The following FAM186A variants were observed in gnomAD, a reference collection of about 807,000 sequenced individuals.
FAM186A encodes the protein protein FAM186A.
A neutral mutation model predicts 216.8 loss-of-function variants in FAM186A; 163 were observed. The observed-to-expected ratio is 0.75, with a 90% CI of 0.66 to 0.86. The LOEUF (loss-of-function observed/expected upper bound fraction) is 0.86, where lower values mean the gene tolerates loss of function less well. Among genes scored for constraint, FAM186A ranks in the 40% least tolerant of loss-of-function variants. FAM186A has a pLI of 0.00. For synonymous variants in FAM186A, 805 were observed against 1,025.3 expected, an observed-to-expected ratio of 0.79 and a Z score of 4.10; for missense variants, 2,184 against 2,746.2, an observed-to-expected ratio of 0.80 and a Z score of 4.58.
intron 3 of FAM186A, among the ~76,000 whole-genome samples, chr12:50,360,228 T>C (rs1413098307): frequency 8.3e-6 from 1 of 120,080 alleles, no homozygotes; most frequent in African/African-American, 3.3e-5. Flanking sequence ...TGGGTAACAG[T>C]GTGATACCCT....
At chr12:50,337,682 G>A (rs1167292071) in intron 4 of FAM186A, among the ~76,000 whole-genome samples, 1 of 151,744 alleles carries the variant, frequency 6.6e-6, no homozygotes, top group African/African-American at 2.4e-5. Flanking sequence ...CGGATCACAA[G>A]GTCAAGAGAT....
intron 1 of FAM186A, among the ~76,000 whole-genome samples, chr12:50,387,709 T>C (rs1303217157): frequency 6.6e-6 from 1 of 152,150 alleles, no homozygotes; most frequent in East Asian, 1.9e-4. Flanking sequence ...CGTTGTCTCC[T>C]CCTTACTGTA....
At chr12:50,382,976 T>C (rs1943266902) in intron 1 of FAM186A, among the ~76,000 whole-genome samples, 1 of 151,764 alleles carries the variant, frequency 6.6e-6, no homozygotes, top group African/African-American at 2.4e-5. Flanking sequence ...CTCATGCCTA[T>C]AATCCCAGAA....
chr12:50,382,031 T>G (rs73305103), intron 1 of FAM186A, among the ~76,000 whole-genome samples: 19,615 of 151,736 alleles, frequency 0.13, 2,159 homozygotes, highest in African/African-American at 0.29. Context: ...GGGAAGAAGT[T>G]CTTGGAAAGT....
At chr12:50,384,814 G>GT (rs568268912) in intron 1 of FAM186A, among the ~76,000 whole-genome samples, 86 of 150,420 alleles carry the variant, frequency 5.7e-4, no homozygotes, top group African/African-American at 5.8e-4. Context: ...TAGAGTTTTT[G>GT]TTTTTTTTTG....
intron 1 of FAM186A, among the ~76,000 whole-genome samples, chr12:50,383,456 C>T (rs531929048): frequency 9.2e-5 from 14 of 151,690 alleles, no homozygotes; most frequent in Middle Eastern, 3.4e-3. Flanking sequence ...ATTAGCTGGG[C>T]GTGGTGGTGC....
intron 6 of FAM186A, 150 bp from the exon 7 acceptor site, chr12:50,330,908 A>G: frequency 1.6e-6 from 1 of 619,638 alleles, no homozygotes. Flanking sequence ...ACTTTGACAG[A>G]GAGATGGATG....
chr12:50,377,098 GA>G (rs1263624011), intron 1 of FAM186A, among the ~76,000 whole-genome samples: 1 of 151,870 alleles, frequency 6.6e-6, no homozygotes, highest in Non-Finnish European at 1.5e-5. Context: ...TCTGGAAGTG[GA>G]AAAAACACAA....
chr12:50,358,069 T>C (rs751132992), intron 3 of FAM186A, among the ~76,000 whole-genome samples: 4 of 152,158 alleles, frequency 2.6e-5, no homozygotes, highest in Non-Finnish European at 5.9e-5. Flanking sequence ...ATAAGGATTA[T>C]ATATAATGTC....
At chr12:50,334,635 G>A (rs185291259) in intron 4 of FAM186A, among the ~76,000 whole-genome samples, 3 of 151,994 alleles carry the variant, frequency 2.0e-5, no homozygotes, top group Admixed American at 6.6e-5. Flanking sequence ...GCACCACCAC[G>A]CCCAGCTAAT....
At position 50,330,585 on chromosome 12, in the gene FAM186A, G is replaced by T; in HGVS notation, c.7022C>A (p.Ser2341Tyr). The T allele has an allele frequency of 1.3e-6, 2 of 1,550,504 alleles. No individual in the cohort carries two copies. The highest frequency in any genetic ancestry group is 2.4e-5 in the South Asian group (2 of 83,612). The change falls in exon 7 of 8, where the codon TCC becomes TAC. Residue 2341 changes from serine to tyrosine, a missense_variant. Ser to Tyr is a moderately radical substitution (Grantham distance 144, BLOSUM62 -2). Around this residue, in one of 7 missense-constraint regions of FAM186A, gnomAD observed 721 missense variants for 816.4 expected, o/e 0.88. Coordinates refer to ENST00000327337, the MANE Select transcript of FAM186A (RefSeq NM_001145475.3). ...VQSTFRKSLASLQSRVKKIPK is the reference protein window; with the variant it reads ...VQSTFRKSLAYLQSRVKKIPK The stretch of plus-strand genomic sequence containing the variant: ...GTCCATAACTTACCGTGATTGGAGG[G>T]ATGCAAGAGATTTTCGGAAGGTAGA...
intron 1 of FAM186A, among the ~76,000 whole-genome samples, chr12:50,390,815 C>T (rs1943349868): frequency 6.6e-6 from 1 of 151,940 alleles, no homozygotes; most frequent in African/African-American, 2.4e-5. Flanking sequence ...GTCTATAATC[C>T]CAGCATTTTG....
intron 1 of FAM186A, among the ~76,000 whole-genome samples, chr12:50,392,165 C>A (rs188992181): frequency 2.0e-5 from 3 of 151,748 alleles, no homozygotes; most frequent in South Asian, 2.1e-4. Context: ...CAGGGAACAG[C>A]ATGTGGGAGG....
chr12:50,372,805 G>A (rs1943153907), intron 1 of FAM186A, among the ~76,000 whole-genome samples: 1 of 150,006 alleles, frequency 6.7e-6, no homozygotes, highest in Admixed American at 6.7e-5. Context: ...GGGAGTATGA[G>A]GCAGAGAATT....
chr12:50,345,953 T>C (rs902013262), intron 4 of FAM186A, among the ~76,000 whole-genome samples: 1 of 141,036 alleles, frequency 7.1e-6, no homozygotes, highest in African/African-American at 2.6e-5. Flanking sequence ...TATTATATGG[T>C]GCCATTGCAC....
At position 50,354,430 on chromosome 12, in the gene FAM186A, C is replaced by T. The variant is rs1171559155; in HGVS notation, c.2402G>A (p.Ser801Asn). 1.3e-6 allele frequency: 2 copies of T among 1,551,458 alleles called. No individual in the cohort carries two copies. Among genetic ancestry groups the T allele is most frequent in the Non-Finnish European group, 1.7e-6 (2 of 1,146,996 alleles). Residue 801 changes from serine to asparagine, a missense_variant, in exon 4 of 8, where the codon AGT (serine) becomes AAT (asparagine). Physicochemically the swap from Ser to Asn is conservative, Grantham distance 46 (BLOSUM62 1). Transcript: ENST00000327337. ...LIQMILAEIE[S>N]ERDIPTVSTV... The stretch of plus-strand genomic sequence containing the variant: ...TGAGACTGTTGGAATATCTCTTTCA[C>T]TTTCTATTTCAGCCAAGATCATTTG...
intron 4 of FAM186A, 91 bp downstream of exon 4, chr12:50,350,225 AGAACATATGGCCT>A: frequency 9.3e-7 from 1 of 1,073,054 alleles, no homozygotes; most frequent in East Asian, 2.6e-5. Flanking sequence ...GCAGTCCTTT[AGAACATATGGCCT>A]GACAAATATG....
intron 1 of FAM186A, among the ~76,000 whole-genome samples, chr12:50,395,062 C>G (rs867346214): frequency 3.1e-4 from 47 of 151,896 alleles, no homozygotes; most frequent in African/African-American, 1.1e-3. Flanking sequence ...AGAACCCCCC[C>G]TTAATCAATT....
intron 5 of FAM186A, among the ~76,000 whole-genome samples, chr12:50,333,229 A>C (rs1281623951): frequency 6.6e-6 from 1 of 152,106 alleles, no homozygotes; most frequent in Non-Finnish European, 1.5e-5. Context: ...CACAGCTTGT[A>C]ATATTTACTA....
Sources: gnomAD v4.1 joint callset for allele counts (sites outside exome capture counted in the v4.1 genomes callset) on GRCh38, gnomAD v4.1.1 for gene constraint, gnomAD v4.1.1 regional missense constraint, MANE v1.5 for transcripts, NCBI Gene and HGNC (gene_info 2026-07-23, HGNC 2026-07-21) for gene names.